The following ANGEL2 variants were observed in gnomAD, a reference collection of about 807,000 sequenced individuals.
ANGEL2 encodes RNA 2',3'-cyclic phosphatase ANGEL2.
A neutral mutation model predicts 66.0 loss-of-function variants in ANGEL2; 41 were observed. The observed-to-expected ratio is 0.62, with a 90% CI of 0.48 to 0.81. The LOEUF is 0.81. ANGEL2 is among the 30% of genes least tolerant of loss of function. The pLI, the probability that ANGEL2 is intolerant of heterozygous loss-of-function variation, is 0.00. For missense variants in ANGEL2, 561 were observed against 641.6 expected (o/e 0.87, Z 1.36); for synonymous variants, 208 against 226.5 (o/e 0.92, Z 0.73).
chr1:213,015,461 G>T, intron 1 of ANGEL2, 152 bp downstream of exon 1: 2 of 1,449,676 alleles, frequency 1.4e-6, no homozygotes, highest in Non-Finnish European at 1.8e-6. Flanking sequence ...GTCTCTGGAG[G>T]CTCGTCCCGG....
Position 213,000,375 on chromosome 1 carries a change from G to A in ANGEL2, c.1270C>T (p.Leu424=). 6.2e-7 allele frequency: 1 copy of A among 1,613,388 alleles called. No individual in the cohort carries two copies. Among genetic ancestry groups the A allele is most frequent in the Non-Finnish European group, 8.5e-7 (1 of 1,179,448 alleles). Residue 424 remains leucine (L), a synonymous_variant, in exon 7 of 9, where the codon CTG becomes TTG. Coordinates refer to ENST00000366962, the MANE Select transcript of ANGEL2 (RefSeq NM_144567.5). ...VPKVEKTDSD[L]TQTQLKQTEV... ...GTTTGCTTCAGCTGTGTTTGTGTCA[G>A]ATCACTGTCTGTAAGAATAGAGGAA...
intron 5 of ANGEL2, among the ~76,000 whole-genome samples, chr1:213,004,016 T>A (rs2076250832): frequency 6.6e-6 from 1 of 151,922 alleles, no homozygotes; most frequent in Non-Finnish European, 1.5e-5. Flanking sequence ...CCATCCTGGC[T>A]AACACTGTGA....
intron 5 of ANGEL2, among the ~76,000 whole-genome samples, chr1:213,002,683 T>C (rs1308196010): frequency 1.3e-5 from 2 of 152,108 alleles, no homozygotes; most frequent in Non-Finnish European, 1.5e-5. Context: ...TTTGAGGGGC[T>C]GAGGCAGGAG....
In ANGEL2 at chr1:213,005,284, T is replaced by G. The variant is rs775674752; in HGVS notation, c.883A>C (p.Lys295Gln). The G allele has an allele frequency of 2.5e-6, 4 of 1,614,144 alleles. No homozygotes were observed. In the African/African-American group the frequency reaches 5.3e-5, roughly 22 times the overall value. Residue 295 changes from lysine (K) to glutamine (Q), a missense_variant, in exon 5 of 9, where the codon AAA (lysine) becomes CAA (glutamine). Physicochemically the swap from Lys to Gln is moderately conservative, Grantham distance 53. Coordinates refer to ENST00000366962, the MANE Select transcript of ANGEL2 (RefSeq NM_144567.5). ...NVGLVLLLQP[K>Q]IPYAACPAIC... ...GCAGGGCAGGCAGCATATGGAATTT[T>G]GGGCTGTAAGAGTAAAACTAATCCA... is the stretch of plus-strand genomic sequence containing the variant.
chr1:213,010,469 G>A (rs2076474834), intron 2 of ANGEL2, among the ~76,000 whole-genome samples: 1 of 151,984 alleles, frequency 6.6e-6, no homozygotes, highest in African/African-American at 2.4e-5. Context: ...CTACTCGGGA[G>A]GCTGAGACAG....
Position 213,008,532 on chromosome 1 carries a change from T to C in ANGEL2, c.386-66A>G, listed in dbSNP as rs879124566. ...AGCAGACCATACAGTTTCCCACATATATGTATTTTTCAGCCTCTTAAAAAT... is the reference window on the plus strand; with the variant it reads ...AGCAGACCATACAGTTTCCCACATACATGTATTTTTCAGCCTCTTAAAAAT... On this transcript the variant is annotated intron_variant, in intron 2 of 8. Coordinates refer to ENST00000366962, the MANE Select transcript of ANGEL2 (RefSeq NM_144567.5). 129 of 1,525,740 alleles carry C rather than the reference T, an allele frequency of 8.5e-5. 1 individual carries two copies. The South Asian group carries it at 1.3e-3, about 15-fold the overall frequency. 94.5% of individuals were successfully genotyped at this position (1,525,740 alleles called of 1,614,324 possible).
At position 213,003,366 on chromosome 1, in the gene ANGEL2, T is replaced by TGGCCTCTCTCAGCTTTC. The variant is rs558060602; in HGVS notation, c.1134+1650_1134+1666dup. Among the ~76,000 whole-genome samples, 830 of 152,340 alleles carry TGGCCTCTCTCAGCTTTC rather than the reference T, an allele frequency of 5.4e-3. 9 individuals carry two copies. The highest frequency in any genetic ancestry group is 0.019 in the African/African-American group (792 of 41,578). On this transcript the variant is annotated intron_variant, in intron 5 of 8. Transcript: ENST00000366962. ...TGTTTGGTGCAAGAGGCCTAGCTTT[T>TGGCCTCTCTCAGCTTTC]GGCCTCTCTCAGCTTTCAAAATGCC... is the stretch of plus-strand genomic sequence containing the variant.
intron 5 of ANGEL2, 55 bp from the exon 6 acceptor site, chr1:213,000,967 G>T: frequency 6.5e-7 from 1 of 1,545,088 alleles, no homozygotes; most frequent in Non-Finnish European, 8.7e-7. Flanking sequence ...TAGCTTATGA[G>T]TTGAAAAATT....
chr1:212,993,711 C>A lies in ANGEL2; in HGVS notation c.*1330G>T, dbSNP rs2075920181. On this transcript the variant is annotated 3_prime_UTR_variant, in exon 9 of 9. Transcript: ENST00000366962. ...AACCACTTCATAGAAAGTGTCAGCA[C>A]CATCTCATACTGGTGCATCACGGTA... The A allele has an allele frequency of 6.6e-6, 1 of 152,164 alleles. No homozygotes were observed. Among genetic ancestry groups the A allele is most frequent in the Non-Finnish European group, 1.5e-5 (1 of 68,034 alleles). 9.4% of individuals were successfully genotyped at this position (152,164 alleles called of 1,614,324 possible). A position where few individuals can be genotyped will look rare whatever the true frequency, so the allele number is the denominator to read the frequency against.
At chr1:213,002,588 G>C (rs1465960983) in intron 5 of ANGEL2, among the ~76,000 whole-genome samples, 1 of 152,130 alleles carries the variant, frequency 6.6e-6, no homozygotes, top group African/African-American at 2.4e-5. Context: ...AGTCCTAGAT[G>C]GCATCTTCTT....
rs114927833 is a variant in ANGEL2 at position 213,015,863 on chromosome 1, T to C, written c.-192A>G. On this transcript the variant is annotated 5_prime_UTR_variant, in exon 1 of 9. Coordinates refer to ENST00000366962, the MANE Select transcript of ANGEL2 (RefSeq NM_144567.5). ...CTCCATCTTGCGCAGTCAGAGTCCC[T>C]GAATGCCTTAACCCGGAATTCTGCT... 1.0e-3 allele frequency: 674 copies of C among 653,598 alleles called. 6 individuals carry two copies. In the African/African-American group the frequency reaches 0.011, roughly 10 times the overall value. 40.5% of individuals were successfully genotyped at this position (653,598 alleles called of 1,614,324 possible).
At position 213,000,957 on chromosome 1, in the gene ANGEL2, T is replaced by C. The variant is rs778768156; in HGVS notation, c.1135-45A>G. 2.5e-6 allele frequency: 4 copies of C among 1,586,534 alleles called. No homozygotes were observed. In the South Asian group the frequency reaches 3.5e-5, roughly 14 times the overall value. On this transcript the variant is annotated intron_variant, in intron 5 of 8. Coordinates refer to ENST00000366962, the MANE Select transcript of ANGEL2 (RefSeq NM_144567.5). ...GTATCTTAAGTGAAAAGATTTTAAA[T>C]AGCTTATGAGTTGAAAAATTTATGT... is the stretch of plus-strand genomic sequence containing the variant.
intron 2 of ANGEL2, among the ~76,000 whole-genome samples, chr1:213,012,671 G>A (rs7518110): frequency 3.3e-5 from 5 of 151,976 alleles, no homozygotes; most frequent in African/African-American, 1.2e-4. Flanking sequence ...GAGTCCTTTC[G>A]TCTTCCATAA....
At position 213,008,409 on chromosome 1, in the gene ANGEL2, ATCT is replaced by A; in HGVS notation, c.440_442del (p.Lys147del). 1 of 1,614,036 alleles carries A rather than the reference ATCT, an allele frequency of 6.2e-7. No homozygotes were observed. The highest frequency in any genetic ancestry group is 8.5e-7 in the Non-Finnish European group (1 of 1,179,990). ...GGGATCAACATTTTTGTCTCCTAGGATCTTCGTTTTTTCTTTATCATGGCTACA... is the reference window on the plus strand; with the variant it reads ...GGGATCAACATTTTTGTCTCCTAGGATCGTTTTTTCTTTATCATGGCTACA... On this transcript the variant is annotated inframe_deletion, in exon 3 of 9. Coordinates refer to ENST00000366962, the MANE Select transcript of ANGEL2 (RefSeq NM_144567.5).
At chr1:212,995,438 TA>T (rs2075969127) in intron 8 of ANGEL2, among the ~76,000 whole-genome samples, 2 of 152,332 alleles carry the variant, frequency 1.3e-5, no homozygotes, top group South Asian at 4.1e-4. Context: ...GAAGAAAATA[TA>T]AATGAAATAC....
chr1:213,008,636 G>T (rs1572146342), intron 2 of ANGEL2, among the ~76,000 whole-genome samples, 170 bp from the exon 3 acceptor site: 1 of 152,168 alleles, frequency 6.6e-6, no homozygotes, highest in Non-Finnish European at 1.5e-5. Context: ...TTATCAAATT[G>T]GTTACAAATG....
chr1:213,015,465 G>C (rs1241558299), intron 1 of ANGEL2, 148 bp downstream of exon 1: 3 of 1,452,426 alleles, frequency 2.1e-6, no homozygotes, highest in South Asian at 1.4e-5. Flanking sequence ...CTGGAGGCTC[G>C]TCCCGGATGC....
At chr1:213,012,586 G>T (rs1375886620) in intron 2 of ANGEL2, among the ~76,000 whole-genome samples, 1 of 152,220 alleles carries the variant, frequency 6.6e-6, no homozygotes, top group Admixed American at 6.5e-5. Context: ...GACCCAATTT[G>T]AGATATACAG....
At chr1:213,005,942 G>A (rs1180395245) in intron 4 of ANGEL2, among the ~76,000 whole-genome samples, 1 of 151,984 alleles carries the variant, frequency 6.6e-6, no homozygotes, top group African/African-American at 2.4e-5. Flanking sequence ...ATGTCACCTC[G>A]TCTGATCATT....
Sources: gnomAD v4.1 joint callset for allele counts (sites outside exome capture counted in the v4.1 genomes callset) on GRCh38, gnomAD v4.1.1 for gene constraint, MANE v1.5 for transcripts, NCBI Gene and HGNC (gene_info 2026-07-23, HGNC 2026-07-21) for gene names.